Variants in TRHDE observed in about 807,000 individuals in gnomAD.
TRHDE encodes the protein thyrotropin releasing hormone degrading enzyme, also known as thyrotropin-releasing hormone-degrading ectoenzyme.
Under a neutral mutation model 125.7 loss-of-function variants are expected in TRHDE, and 72 were observed. The ratio of observed to expected loss-of-function variants is 0.57; its 90% CI spans 0.47 to 0.70. The LOEUF is 0.70. TRHDE is among the 30% of genes least tolerant of loss of function. The probability of loss-of-function intolerance (pLI) is 0.00; values close to 1 mark genes in which losing one functional copy is unlikely to be tolerated. For missense variants in TRHDE, 1,110 were observed against 1,327.1 expected (o/e 0.84, Z 2.54); for synonymous variants, 509 against 509.1 (o/e 1.00, Z 0.00).
intron 3 of TRHDE, among the ~76,000 whole-genome samples, chr12:72,423,101 C>A (rs957970182): frequency 2.0e-5 from 3 of 152,046 alleles, no homozygotes; most frequent in Non-Finnish European, 2.9e-5. Flanking sequence ...TTTATGAATT[C>A]TTCCTTATGT....
intron 15 of TRHDE, among the ~76,000 whole-genome samples, chr12:72,631,508 A>G (rs539393219): frequency 1.3e-5 from 2 of 152,080 alleles, no homozygotes; most frequent in African/African-American, 2.4e-5. Flanking sequence ...TATGAAATTC[A>G]TAATGCATTT....
At chr12:72,181,229 A>G (rs574709337) in intron 2 of TRHDE, among the ~76,000 whole-genome samples, 2 of 152,278 alleles carry the variant, frequency 1.3e-5, no homozygotes, top group Admixed American at 1.3e-4. Context: ...GGTGAAGGAA[A>G]GAAATGTTGG....
chr12:72,135,678 G>GT (rs1875968268), intron 2 of TRHDE, among the ~76,000 whole-genome samples: 2 of 151,980 alleles, frequency 1.3e-5, no homozygotes, highest in African/African-American at 2.4e-5. Flanking sequence ...CAAGTGCCTT[G>GT]TGTGGATGAG....
Position 72,653,043 on chromosome 12 carries a change from G to A in TRHDE, c.2871G>A (p.Glu957=). The change falls in exon 17 of 19, where the codon GAG becomes GAA. Residue 957 remains glutamate (E), a synonymous_variant. Transcript: ENST00000261180. ...NRLLNLSLNS[E]VVLDQDAIDV... ...TTCTAAATCTGTCACTGAATTCTGA[G>A]GTGGTGCTGGATCAAGATGCAATTG... The A allele has an allele frequency of 6.2e-7, 1 of 1,605,752 alleles. No individual in the cohort carries two copies. The highest frequency in any genetic ancestry group is 1.1e-5 in the South Asian group (1 of 90,222).
intron 2 of TRHDE, among the ~76,000 whole-genome samples, chr12:72,369,583 C>T (rs548641230): frequency 1.8e-4 from 28 of 152,156 alleles, no homozygotes; most frequent in Non-Finnish European, 3.7e-4. Flanking sequence ...ACCTCTCAGA[C>T]GTAATATAAT....
At chr12:72,509,438 G>C (rs1398510527) in intron 6 of TRHDE, among the ~76,000 whole-genome samples, 1 of 151,984 alleles carries the variant, frequency 6.6e-6, no homozygotes, top group African/African-American at 2.4e-5. Context: ...AACTCATGGT[G>C]CTACTGTTCT....
At chr12:72,584,892 G>A (rs1871378021) in intron 12 of TRHDE, among the ~76,000 whole-genome samples, 1 of 152,178 alleles carries the variant, frequency 6.6e-6, no homozygotes, top group East Asian at 1.9e-4. Context: ...GACAGAAACA[G>A]TACTCTAAAA....
chr12:72,183,274 G>A (rs962876608), intron 2 of TRHDE, among the ~76,000 whole-genome samples: 8 of 152,210 alleles, frequency 5.3e-5, no homozygotes, highest in African/African-American at 1.9e-4. Context: ...TTGTTGTAAT[G>A]AATGTAATTA....
intron 2 of TRHDE, among the ~76,000 whole-genome samples, chr12:72,168,641 C>G (rs1876806179): frequency 6.6e-6 from 1 of 152,124 alleles, no homozygotes; most frequent in Non-Finnish European, 1.5e-5. Flanking sequence ...TTTTGACTAG[C>G]TAGGATGGAT....
intron 3 of TRHDE, among the ~76,000 whole-genome samples, chr12:72,397,220 A>G (rs988576981): frequency 3.9e-5 from 6 of 152,166 alleles, no homozygotes; most frequent in African/African-American, 1.4e-4. Flanking sequence ...CTTTTATGTA[A>G]TCTATCAGCA....
At chr12:72,661,224 G>T (rs191662857) in intron 18 of TRHDE, among the ~76,000 whole-genome samples, 19 of 152,148 alleles carry the variant, frequency 1.2e-4, no homozygotes, top group Middle Eastern at 6.8e-3. Flanking sequence ...GTCAATAAAC[G>T]TTCATATTCA....
chr12:72,336,733 G>A (rs1869846464), intron 2 of TRHDE, among the ~76,000 whole-genome samples: 1 of 152,150 alleles, frequency 6.6e-6, no homozygotes, highest in African/African-American at 2.4e-5. Context: ...ATGTGCAAGA[G>A]CAAGAGAGCA....
At chr12:72,251,738 G>A (rs1290849097) in intron 2 of TRHDE, among the ~76,000 whole-genome samples, 1 of 152,040 alleles carries the variant, frequency 6.6e-6, no homozygotes, top group Non-Finnish European at 1.5e-5. Context: ...AGAAAACCAT[G>A]AAAAGGTTTC....
intron 12 of TRHDE, among the ~76,000 whole-genome samples, chr12:72,593,269 C>T (rs988698503): frequency 6.6e-6 from 1 of 152,122 alleles, no homozygotes; most frequent in Non-Finnish European, 1.5e-5. Context: ...AACCTCACCC[C>T]TATTTTATAG....
chr12:72,153,055 T>G (rs1876409628), intron 2 of TRHDE, among the ~76,000 whole-genome samples: 1 of 152,228 alleles, frequency 6.6e-6, no homozygotes, highest in African/African-American at 2.4e-5. Context: ...AAGCAATTAA[T>G]TATTGCCTCA....
intron 2 of TRHDE, among the ~76,000 whole-genome samples, chr12:72,207,439 A>G (rs1446378960): frequency 2.0e-5 from 3 of 152,124 alleles, no homozygotes; most frequent in African/African-American, 7.3e-5. Flanking sequence ...CCATATGTCA[A>G]TACTAGTGAG....
Position 72,490,607 on chromosome 12 carries a change from A to G in TRHDE, c.1585-8891A>G, listed in dbSNP as rs1031373467. On this transcript the variant is annotated intron_variant, in intron 5 of 18. Transcript: ENST00000261180. ...ATGAGGAAATTTTGTGTATAAATAC[A>G]CACACACACACACACACACATTTTG... Among the ~76,000 whole-genome samples, 91 of 102,696 alleles carry G rather than the reference A, an allele frequency of 8.9e-4. 1 individual carries two copies. Among genetic ancestry groups the G allele is most frequent in the Admixed American group, 7.1e-3 (86 of 12,028 alleles). 67.4% of individuals were successfully genotyped at this position (102,696 alleles called of 152,430 possible). A position where few individuals can be genotyped will look rare whatever the true frequency, so the allele number is the denominator to read the frequency against.
chr12:72,540,757 T>A (rs1869105509), intron 6 of TRHDE, among the ~76,000 whole-genome samples: 1 of 151,690 alleles, frequency 6.6e-6, no homozygotes, highest in Non-Finnish European at 1.5e-5. Flanking sequence ...TAAATGCTTA[T>A]GTTTCATGGT....
At chr12:72,311,926 G>A (rs1270828474) in intron 2 of TRHDE, among the ~76,000 whole-genome samples, 2 of 151,224 alleles carry the variant, frequency 1.3e-5, no homozygotes, top group Non-Finnish European at 2.9e-5. Flanking sequence ...TTTTTTATTC[G>A]TATTTTCTTC....
Sources: allele counts gnomAD v4.1 joint callset (sites outside exome capture counted in the v4.1 genomes callset), GRCh38; gene constraint gnomAD v4.1.1; transcripts MANE v1.5; gene names NCBI Gene and HGNC (gene_info 2026-07-23, HGNC 2026-07-21).